Variants in ZFYVE1 observed in about 807,000 individuals in gnomAD.
The protein encoded by ZFYVE1 is zinc finger FYVE-type containing 1.
ZFYVE1 carries 30 observed loss-of-function variants against 74.4 expected under a neutral mutation model. That is an observed-to-expected ratio of 0.40 (90% CI 0.30 to 0.55). The LOEUF (loss-of-function observed/expected upper bound fraction) is 0.55, where lower values mean the gene tolerates loss of function less well. ZFYVE1 is among the 20% of genes least tolerant of loss of function. ZFYVE1 has a pLI of 0.42. For missense variants in ZFYVE1, 703 were observed against 1,011.6 expected (o/e 0.69, Z 4.14); for synonymous variants, 335 against 385.1 (o/e 0.87, Z 1.52).
In ZFYVE1 at chr14:72,974,128, C is replaced by T. The variant is rs1411060748; in HGVS notation, c.2053G>A (p.Val685Met). Residue 685 changes from valine to methionine, a missense_variant, in exon 11 of 12, where the codon GTG becomes ATG. By Grantham distance (21) the Val-to-Met change is conservative. Around this residue, in one of 2 missense-constraint regions of ZFYVE1, gnomAD observed 492 missense variants for 790.0 expected, o/e 0.62. Coordinates refer to ENST00000556143, the MANE Select transcript of ZFYVE1 (RefSeq NM_021260.4). ...ACCACGGCTCCCAGAGTGTTCTGCA[C>T]GGCCTCGCCCACCTTCCGAGCAATG... ...TLIARKVGEA[V>M]QNTLGAVVTA... The T allele has an allele frequency of 6.8e-6, 11 of 1,613,982 alleles. No homozygotes were observed. The highest frequency in any genetic ancestry group is 1.6e-4 in the Middle Eastern group (1 of 6,084).
chr14:72,975,477 C>T lies in ZFYVE1; in HGVS notation c.1806+74G>A, dbSNP rs796829610. 1.3e-6 allele frequency: 2 copies of T among 1,531,376 alleles called. No homozygotes were observed. The allele number at this position is 1,531,376 out of a possible 1,614,324, so 94.9% of individuals were successfully genotyped here. On this transcript the variant is annotated intron_variant, in intron 9 of 11. Coordinates refer to ENST00000556143, the MANE Select transcript of ZFYVE1 (RefSeq NM_021260.4). This position sits in a 1 kb window ranked among gnomAD's most constrained non-coding sequence, Gnocchi z 4.1. ...GTTTGCGTCTCCCTCACAGAACAAG[C>T]TTAGCACAGGGCAAAGCGGCATTAA... is the stretch of plus-strand genomic sequence containing the variant.
At chr14:72,992,897 G>T (rs915771971) in intron 4 of ZFYVE1, among the ~76,000 whole-genome samples, 14 of 152,144 alleles carry the variant, frequency 9.2e-5, no homozygotes, top group Admixed American at 9.2e-4. Context: ...AGAAATGAGT[G>T]CCTGGTTTTT....
In ZFYVE1 at chr14:73,024,712, A is replaced by C; in HGVS notation, c.-204T>G. 1.5e-6 allele frequency: 1 copy of C among 668,262 alleles called. No homozygotes were observed. The highest frequency in any genetic ancestry group is 2.3e-6 in the Non-Finnish European group (1 of 427,934). The allele number at this position is 668,262 out of a possible 1,614,324, so 41.4% of individuals were successfully genotyped here. On this transcript the variant is annotated 5_prime_UTR_variant, in exon 2 of 12. Transcript: ENST00000556143. Reference sequence around the variant, plus strand: ...AATTTGCTGCCTCTAAGACTCTTGTATTAGCAGCAACGTTGATTTGGTTTG... The same window carrying C: ...AATTTGCTGCCTCTAAGACTCTTGTCTTAGCAGCAACGTTGATTTGGTTTG...
chr14:72,983,353 C>A (rs539499744), intron 4 of ZFYVE1, among the ~76,000 whole-genome samples: 1 of 131,900 alleles, frequency 7.6e-6, no homozygotes, highest in Non-Finnish European at 1.6e-5. Context: ...CCCCCTCCCC[C>A]CCACCCCACC....
chr14:73,000,581 G>T (rs1224436055), intron 2 of ZFYVE1, among the ~76,000 whole-genome samples: 2 of 151,698 alleles, frequency 1.3e-5, no homozygotes, highest in East Asian at 3.9e-4. Context: ...TCCAGGATGG[G>T]TGACAGAGAG....
Position 72,978,024 on chromosome 14 carries a change from T to G in ZFYVE1, c.1538A>C (p.Asn513Thr). 1.2e-6 allele frequency: 2 copies of G among 1,614,176 alleles called. No individual in the cohort carries two copies. Among genetic ancestry groups the G allele is most frequent in the Non-Finnish European group, 1.7e-6 (2 of 1,180,036 alleles). Residue 513 changes from asparagine (N) to threonine (T), a missense_variant, in exon 8 of 12, where the codon AAC becomes ACC. Asn to Thr is a moderately conservative substitution (Grantham distance 65). Around this residue, in one of 2 missense-constraint regions of ZFYVE1, gnomAD observed 492 missense variants for 790.0 expected, o/e 0.62. Coordinates refer to ENST00000556143, the MANE Select transcript of ZFYVE1 (RefSeq NM_021260.4). ...AWSGYVIECP[N>T]CGVVYRSRQY... ...CCGACTACGATAGACCACGCCACAG[T>G]TAGGACATTCGATCACATACCTACA...
At chr14:72,997,738 GCTA>G in intron 3 of ZFYVE1, 70 bp downstream of exon 3, 1 of 1,501,292 alleles carries the variant, frequency 6.7e-7, no homozygotes, top group East Asian at 2.3e-5. Context: ...CCAACAAGTT[GCTA>G]TTGCAGACCA....
chr14:72,978,302 T>G, intron 6 of ZFYVE1, 68 bp from the exon 7 acceptor site: 52 of 1,510,692 alleles, frequency 3.4e-5, no homozygotes, highest in Non-Finnish European at 4.2e-5. Flanking sequence ...GACACGGGGT[T>G]TTACCAGCCC....
At chr14:73,003,816 G>A (rs10134432) in intron 2 of ZFYVE1, among the ~76,000 whole-genome samples, 18,168 of 152,090 alleles carry the variant, frequency 0.12, 2,650 homozygotes, top group African/African-American at 0.35. Context: ...ACTGAATGCC[G>A]GCTGCAGTGA....
chr14:72,986,530 G>A (rs568909934), intron 4 of ZFYVE1, among the ~76,000 whole-genome samples: 8 of 147,424 alleles, frequency 5.4e-5, no homozygotes, highest in Non-Finnish European at 7.5e-5. Context: ...AGAGTAGGGA[G>A]AAACTCCTCT....
rs189918765 is a variant in ZFYVE1, at chr14:72,974,186, G to A, written c.1995C>T (p.Thr665=). The change falls in exon 11 of 12, where the codon ACC becomes ACT. Residue 665 remains threonine, a synonymous_variant. Transcript: ENST00000556143. ...CACCTTCATCGTCCACTTGTGCCTC[G>A]GTAACAGCTGTAGACAGTAATAAAG... ...YEARNVQLAV[T]EAQVDDEGGT... 7.2e-5 allele frequency: 116 copies of A among 1,613,902 alleles called. No individual in the cohort carries two copies. Among genetic ancestry groups the A allele is most frequent in the Middle Eastern group, 6.6e-4 (4 of 6,058 alleles).
At chr14:73,010,517 C>T (rs1476346597) in intron 2 of ZFYVE1, among the ~76,000 whole-genome samples, 1 of 152,080 alleles carries the variant, frequency 6.6e-6, no homozygotes, top group Non-Finnish European at 1.5e-5. Flanking sequence ...AGGAGAATCA[C>T]TTGAACCGGG....
intron 2 of ZFYVE1, among the ~76,000 whole-genome samples, chr14:73,023,257 G>T (rs1276918103): frequency 2.9e-5 from 3 of 101,930 alleles, no homozygotes; most frequent in East Asian, 2.5e-4. Context: ...TATATTATAT[G>T]TTTTATATAT....
At chr14:73,009,669 T>C (rs966761938) in intron 2 of ZFYVE1, among the ~76,000 whole-genome samples, 18 of 152,126 alleles carry the variant, frequency 1.2e-4, no homozygotes, top group African/African-American at 3.4e-4. Flanking sequence ...GGCAGGAGAA[T>C]CACTTGAACC....
Position 72,969,959 on chromosome 14 carries a change from G to C in ZFYVE1, c.*923C>G. 1.8e-6 allele frequency: 1 copy of C among 552,660 alleles called. No homozygotes were observed. The highest frequency in any genetic ancestry group is 3.2e-6 in the Non-Finnish European group (1 of 314,166). The allele number at this position is 552,660 out of a possible 1,614,324, so 34.2% of individuals were successfully genotyped here. ...TGTGTGTCTGGGAACAAAGGATTAA[G>C]ACACTTTAAAATAAGCAATGAAAAT... On this transcript the variant is annotated 3_prime_UTR_variant, in exon 12 of 12. Coordinates refer to ENST00000556143, the MANE Select transcript of ZFYVE1 (RefSeq NM_021260.4).
chr14:72,980,945 C>T (rs1034674870), intron 5 of ZFYVE1, among the ~76,000 whole-genome samples: 1 of 152,152 alleles, frequency 6.6e-6, no homozygotes, highest in African/African-American at 2.4e-5. Flanking sequence ...ACCCAGTGAT[C>T]CTGCCCTTCA....
intron 2 of ZFYVE1, among the ~76,000 whole-genome samples, chr14:73,004,647 T>C (rs1176309733): frequency 6.6e-6 from 1 of 152,114 alleles, no homozygotes; most frequent in Non-Finnish European, 1.5e-5. Flanking sequence ...GGCTGTTTTT[T>C]CTACTGACAA....
chr14:72,977,797 G>C, intron 8 of ZFYVE1, 130 bp downstream of exon 8: 1 of 941,614 alleles, frequency 1.1e-6, no homozygotes, highest in Non-Finnish European at 1.6e-6. Flanking sequence ...TCCAGATCAT[G>C]CCTTTCTAAA....
chr14:73,011,613 A>G (rs12891859), intron 2 of ZFYVE1, among the ~76,000 whole-genome samples: 41,797 of 151,248 alleles, frequency 0.28, 6,607 homozygotes, highest in Middle Eastern at 0.39. Context: ...TCCACCTCCC[A>G]GGTTCAAGCG....
Sources: gnomAD v4.1 joint callset for allele counts (sites outside exome capture counted in the v4.1 genomes callset) on GRCh38, gnomAD v4.1.1 for gene constraint, gnomAD v4.1.1 regional missense constraint, Gnocchi (gnomAD v3.1) non-coding constraint, MANE v1.5 for transcripts, NCBI Gene and HGNC (gene_info 2026-07-23, HGNC 2026-07-21) for gene names.